RALGPS1: variants seen among roughly 807,000 people sequenced by gnomAD.
RALGPS1 encodes Ral GEF with PH domain and SH3 binding motif 1.
RALGPS1 carries 19 observed loss-of-function variants against 78.8 expected under a neutral mutation model. The ratio of observed to expected loss-of-function variants is 0.24; its 90% CI spans 0.17 to 0.35. The LOEUF (loss-of-function observed/expected upper bound fraction) is 0.35. Among genes scored for constraint, RALGPS1 ranks in the 10% least tolerant of loss-of-function variants. The probability of loss-of-function intolerance (pLI) is 1.00; values close to 1 mark genes in which losing one functional copy is unlikely to be tolerated. For missense variants in RALGPS1, 454 were observed against 688.3 expected, an observed-to-expected ratio of 0.66 and a Z score of 3.81; for synonymous variants, 228 against 256.3, an observed-to-expected ratio of 0.89 and a Z score of 1.06.
At chr9:126,951,551 G>C (rs2037817817) in intron 1 of RALGPS1, among the ~76,000 whole-genome samples, 1 of 150,646 alleles carries the variant, frequency 6.6e-6, no homozygotes, top group African/African-American at 2.4e-5. Context: ...CATATAAACA[G>C]AACCAAAGAC....
chr9:126,976,716 A>G lies in RALGPS1; in HGVS notation c.166-979A>G, dbSNP rs114183782. 2.8e-3 allele frequency among the ~76,000 whole-genome samples: 426 copies of G among 152,280 alleles called. 1 individual carries two copies. The highest frequency in any genetic ancestry group is 9.6e-3 in the African/African-American group (398 of 41,542). The stretch of plus-strand genomic sequence containing the variant: ...ATCCTGGATGGCCTGTGTTCAATGG[A>G]CAGAGTGTCTTCTCACATTAAAGGC... On this transcript the variant is annotated intron_variant, in intron 3 of 18. Transcript: ENST00000259351.
intron 11 of RALGPS1, 125 bp downstream of exon 11, chr9:127,174,907 T>C: frequency 1.3e-6 from 1 of 784,500 alleles, no homozygotes; most frequent in Non-Finnish European, 2.2e-6. Flanking sequence ...CAGCTATCCC[T>C]GTTCACAGCC....
At chr9:127,134,574 ATTCT>A (rs2057264441) in intron 8 of RALGPS1, among the ~76,000 whole-genome samples, 2 of 152,176 alleles carry the variant, frequency 1.3e-5, no homozygotes, top group Non-Finnish European at 2.9e-5. Flanking sequence ...AGGTATGATG[ATTCT>A]AATCTCCACT....
At position 127,211,267 on chromosome 9, in the gene RALGPS1, C is replaced by A. The variant is rs904552906; in HGVS notation, c.1248-864C>A. ...AGCCATGAAAGGGGCTTGCTGTGGGCAGGTGGAGGAGAGGAGAGGGGGAGG... is the reference window on the plus strand; with the variant it reads ...AGCCATGAAAGGGGCTTGCTGTGGGAAGGTGGAGGAGAGGAGAGGGGGAGG... On this transcript the variant is annotated intron_variant, in intron 14 of 18. Coordinates refer to ENST00000259351, the MANE Select transcript of RALGPS1 (RefSeq NM_014636.3). This position sits in a 1 kb window ranked among gnomAD's most constrained non-coding sequence, Gnocchi z 5.0. Among the ~76,000 whole-genome samples, 2 of 151,866 alleles carry A rather than the reference C, an allele frequency of 1.3e-5. No homozygotes were observed. The highest frequency in any genetic ancestry group is 4.8e-5 in the African/African-American group (2 of 41,332).
intron 1 of RALGPS1, among the ~76,000 whole-genome samples, chr9:126,944,533 C>T (rs2037079079): frequency 6.6e-6 from 1 of 150,508 alleles, no homozygotes; most frequent in Non-Finnish European, 1.5e-5. Context: ...AATGTTGAGA[C>T]CCCTGTTTTT....
chr9:127,173,579 C>T (rs1000081401), intron 10 of RALGPS1, among the ~76,000 whole-genome samples: 1 of 152,100 alleles, frequency 6.6e-6, no homozygotes, highest in Admixed American at 6.5e-5. Context: ...CATCTAGTCT[C>T]ACTCTGTCAT....
chr9:127,211,152 G>A lies in RALGPS1; in HGVS notation c.1248-979G>A, dbSNP rs2062229718. Among the ~76,000 whole-genome samples the A allele has an allele frequency of 2.6e-5, 4 of 152,190 alleles. No individual in the cohort carries two copies. The highest frequency in any genetic ancestry group is 2.6e-4 in the Admixed American group (4 of 15,278). ...GGGAGTGTTGGAAGGAATGAGAGAG[G>A]GCAGGGACATGAGATGAGCTGGAGC... is the stretch of plus-strand genomic sequence containing the variant. On this transcript the variant is annotated intron_variant, in intron 14 of 18. Transcript: ENST00000259351. The surrounding 1 kb of genome is among the most constrained non-coding windows in gnomAD (Gnocchi z 5.0).
chr9:126,976,563 T>G (rs2040673842), intron 3 of RALGPS1, among the ~76,000 whole-genome samples: 1 of 152,174 alleles, frequency 6.6e-6, no homozygotes, highest in Non-Finnish European at 1.5e-5. Context: ...ATTGTCATCA[T>G]TTTCTAGATG....
intron 8 of RALGPS1, among the ~76,000 whole-genome samples, chr9:127,156,098 T>A (rs1008020773): frequency 6.6e-6 from 1 of 152,232 alleles, no homozygotes; most frequent in Non-Finnish European, 1.5e-5. Context: ...TAAAAACATA[T>A]CATGGATATC....
intron 8 of RALGPS1, among the ~76,000 whole-genome samples, chr9:127,154,439 C>G (rs941406741): frequency 2.0e-5 from 3 of 152,236 alleles, no homozygotes; most frequent in Admixed American, 2.0e-4. Flanking sequence ...ATCAAAACAC[C>G]TGAGCCTGAA....
rs201834103 is a variant in RALGPS1 at position 127,106,365 on chromosome 9, TA to T, written c.610+37015del. ...ACGTGTACAGATGGAACGCCAGAGC[TA>T]AAAAAGGGACTGTTTATTTCAGTCT... On this transcript the variant is annotated intron_variant, in intron 8 of 18. Transcript: ENST00000259351. Among the ~76,000 whole-genome samples the T allele has an allele frequency of 3.9e-3, 590 of 152,270 alleles. 5 individuals carry two copies. The highest frequency in any genetic ancestry group is 0.013 in the African/African-American group (558 of 41,566).
chr9:127,212,519 G>A lies in RALGPS1; in HGVS notation c.1354-108G>A. ...GGGGGTGGTGGAGGGCCAGGGAAGA[G>A]ATGGGGCCTGCACTGGCATTGATGG... On this transcript the variant is annotated intron_variant, in intron 15 of 18. Coordinates refer to ENST00000259351, the MANE Select transcript of RALGPS1 (RefSeq NM_014636.3). The surrounding 1 kb of genome is among the most constrained non-coding windows in gnomAD (Gnocchi z 6.0). 1.3e-6 allele frequency: 1 copy of A among 788,138 alleles called. No homozygotes were observed. The highest frequency in any genetic ancestry group is 2.0e-6 in the Non-Finnish European group (1 of 499,288). The allele number at this position is 788,138 out of a possible 1,614,324, so 48.8% of individuals were successfully genotyped here.
At position 126,970,616 on chromosome 9, in the gene RALGPS1, A is replaced by AGT. The variant is rs56406500; in HGVS notation, c.165+4680_165+4681dup. On this transcript the variant is annotated intron_variant, in intron 3 of 18. Transcript: ENST00000259351. ...TAGTTGTGGCAAAAGATGATCTAAG[A>AGT]GTGTGTGTGTGTGTGTATGTGTGTG... Among the ~76,000 whole-genome samples, 450 of 151,108 alleles carry AGT rather than the reference A, an allele frequency of 3.0e-3. 2 individuals carry two copies. The highest frequency in any genetic ancestry group is 5.1e-3 in the Admixed American group (78 of 15,186).
intron 8 of RALGPS1, among the ~76,000 whole-genome samples, chr9:127,105,033 A>G (rs2054085014): frequency 6.6e-6 from 1 of 152,084 alleles, no homozygotes; most frequent in African/African-American, 2.4e-5. Context: ...TTAGTCCTCA[A>G]CACCAGGAGA....
intron 8 of RALGPS1, among the ~76,000 whole-genome samples, chr9:127,099,883 C>G (rs1277578018): frequency 6.6e-6 from 1 of 152,150 alleles, no homozygotes; most frequent in Non-Finnish European, 1.5e-5. Context: ...CGCTTTAGCC[C>G]TCAAACGATG....
chr9:127,168,726 C>T lies in RALGPS1; in HGVS notation c.796C>T (p.Arg266Cys), dbSNP rs754451190. The stretch of plus-strand genomic sequence containing the variant: ...TGTGCAGAAGTACCTGAAGTCCGTA[C>T]GCTACATTGAAGAGCTCCAGAAGTT... ...PHVQKYLKSV[R>C]YIEELQKFVE... The change falls in exon 10 of 19, where the codon CGC (arginine) becomes TGC (cysteine). Residue 266 changes from arginine (R) to cysteine (C), a missense_variant. Arg to Cys is a radical substitution (Grantham distance 180). Transcript: ENST00000259351. The T allele has an allele frequency of 1.2e-6, 2 of 1,613,900 alleles. No individual in the cohort carries two copies. The highest frequency in any genetic ancestry group is 8.5e-7 in the Non-Finnish European group (1 of 1,179,752).
chr9:126,948,493 C>T (rs2037493535), intron 1 of RALGPS1, among the ~76,000 whole-genome samples: 1 of 152,050 alleles, frequency 6.6e-6, no homozygotes, highest in Admixed American at 6.6e-5. Context: ...TGCACTCCAG[C>T]CTGTGCAACA....
intron 7 of RALGPS1, among the ~76,000 whole-genome samples, chr9:127,068,399 A>G (rs1196584068): frequency 6.6e-6 from 1 of 152,150 alleles, no homozygotes; most frequent in Non-Finnish European, 1.5e-5. Context: ...TAGCTGTGAA[A>G]TAACTCTTCA....
At position 127,218,880 on chromosome 9, in the gene RALGPS1, C is replaced by T; in HGVS notation, c.*111C>T. ...GTGAGCCAGGGTGCTGGGAAACTCA[C>T]AGCTGGACTCAGGGGACACGGCCTG... On this transcript the variant is annotated 3_prime_UTR_variant, in exon 19 of 19. Coordinates refer to ENST00000259351, the MANE Select transcript of RALGPS1 (RefSeq NM_014636.3). This position sits in a 1 kb window ranked among gnomAD's most constrained non-coding sequence, Gnocchi z 4.4. The T allele has an allele frequency of 8.0e-7, 1 of 1,252,878 alleles. No homozygotes were observed. The highest frequency in any genetic ancestry group is 1.2e-5 in the South Asian group (1 of 83,674). The allele number at this position is 1,252,878 out of a possible 1,614,324, so 77.6% of individuals were successfully genotyped here.
Sources: allele counts gnomAD v4.1 joint callset (sites outside exome capture counted in the v4.1 genomes callset), GRCh38; gene constraint gnomAD v4.1.1; non-coding constraint Gnocchi (gnomAD v3.1); transcripts MANE v1.5; gene names NCBI Gene and HGNC (gene_info 2026-07-23, HGNC 2026-07-21).